Variants in NFU1 observed in about 807,000 individuals in gnomAD.
The protein encoded by NFU1 is NFU1 iron-sulfur cluster scaffold.
NFU1 carries 30 observed loss-of-function variants against 32.2 expected under a neutral mutation model. The observed-to-expected ratio is 0.93, with a 90% CI of 0.70 to 1.26. The LOEUF is 1.26. Among genes scored for constraint, NFU1 ranks in the 50% most tolerant of loss-of-function variants. The pLI, the probability that NFU1 is intolerant of heterozygous loss-of-function variation, is 0.00. For synonymous variants in NFU1, 112 were observed against 104.6 expected (o/e 1.07, Z -0.43); for missense variants, 306 against 306.6 (o/e 1.00, Z 0.02).
upstream of NFU1, among the ~76,000 whole-genome samples, chr2:69,438,560 G>A (rs552691773): frequency 6.6e-6 from 1 of 152,224 alleles, no homozygotes; most frequent in Non-Finnish European, 1.5e-5. Context: ...ACCCTGCCTA[G>A]TAGTGTTTTA....
intron 6 of NFU1, among the ~76,000 whole-genome samples, chr2:69,403,700 A>G (rs1225677500): frequency 6.6e-6 from 1 of 151,670 alleles, no homozygotes; most frequent in Non-Finnish European, 1.5e-5. Flanking sequence ...CTTCTTTCCC[A>G]TATCTTCTAT....
chr2:69,397,232 C>A (rs1465995821), intron 7 of NFU1, among the ~76,000 whole-genome samples: 3 of 151,722 alleles, frequency 2.0e-5, no homozygotes, highest in Non-Finnish European at 4.4e-5. Context: ...AATGAATCCC[C>A]AAGGAAAGTG....
chr2:69,434,405 G>T (rs1436726992), intron 1 of NFU1, among the ~76,000 whole-genome samples: 1 of 152,136 alleles, frequency 6.6e-6, no homozygotes, highest in Non-Finnish European at 1.5e-5. Context: ...GCCTCCCAAA[G>T]TGCTGGGATT....
chr2:69,399,210 CAAAAAAA>C (rs752746093), intron 7 of NFU1: 1 of 199,830 alleles, frequency 5.0e-6, no homozygotes, highest in Non-Finnish European at 9.7e-6. Context: ...ATTCTGTCTC[CAAAAAAA>C]AAAAAAAAAA....
At chr2:69,414,783 G>A (rs1365786049) in intron 5 of NFU1, among the ~76,000 whole-genome samples, 1 of 151,822 alleles carries the variant, frequency 6.6e-6, no homozygotes, top group Non-Finnish European at 1.5e-5. Context: ...TGGTTTTAGC[G>A]GTTTCTTTTT....
intron 2 of NFU1, among the ~76,000 whole-genome samples, chr2:69,425,201 T>C (rs1400951533): frequency 6.6e-6 from 1 of 151,936 alleles, no homozygotes; most frequent in African/African-American, 2.4e-5. Flanking sequence ...AAAAAAAATC[T>C]GTGGAGGTGG....
At chr2:69,398,825 A>G (rs1038835188) in intron 7 of NFU1, among the ~76,000 whole-genome samples, 1 of 152,124 alleles carries the variant, frequency 6.6e-6, no homozygotes, top group African/African-American at 2.4e-5. Flanking sequence ...GACTTTGGGG[A>G]TAGGTCTATA....
chr2:69,397,258 C>CA (rs1308225465), intron 7 of NFU1, among the ~76,000 whole-genome samples: 4 of 151,512 alleles, frequency 2.6e-5, no homozygotes, highest in South Asian at 2.1e-4. Context: ...CAAAACAAAA[C>CA]AAAAAAACCC....
At chr2:69,419,762 C>T (rs533631292) in intron 3 of NFU1, among the ~76,000 whole-genome samples, 158 bp from the exon 4 acceptor site, 6 of 152,292 alleles carry the variant, frequency 3.9e-5, no homozygotes, top group South Asian at 2.1e-4. Context: ...TCCTACTCTA[C>T]GATTTAGCAA....
Position 69,419,583 on chromosome 2 carries a change from T to G in NFU1, c.324A>C (p.Gly108=). Reference sequence around the variant, plus strand: ...CTGGTCCAAAGAAGACACTTTTTACTCCTTCAATCCTAAATAACTGCCTGC... The same window carrying G: ...CTGGTCCAAAGAAGACACTTTTTACGCCTTCAATCCTAAATAACTGCCTGC... The part of the protein sequence containing the change: ...PLARQLFRIE[G]VKSVFFGPDF... Residue 108 remains glycine (G), a synonymous_variant, in exon 4 of 8, where the codon GGA becomes GGC. Coordinates refer to ENST00000410022, the MANE Select transcript of NFU1 (RefSeq NM_001002755.4). 1 of 1,587,664 alleles carries G rather than the reference T, an allele frequency of 6.3e-7. No individual in the cohort carries two copies. The highest frequency in any genetic ancestry group is 1.7e-5 in the Admixed American group (1 of 59,676).
intron 6 of NFU1, among the ~76,000 whole-genome samples, 162 bp downstream of exon 6, chr2:69,405,860 T>C (rs1236362913): frequency 1.3e-5 from 2 of 152,236 alleles, no homozygotes; most frequent in Non-Finnish European, 2.9e-5. Context: ...GTAGAGAAGA[T>C]ACAGGCTTTA....
At chr2:69,437,031 G>C (rs1367847699) in intron 1 of NFU1, among the ~76,000 whole-genome samples, 1 of 152,218 alleles carries the variant, frequency 6.6e-6, no homozygotes, top group Non-Finnish European at 1.5e-5. Context: ...AGAGGGCCTG[G>C]GGGCGGGAGA....
At chr2:69,408,132 ATAGACAATAACTATCATTT>A (rs1261334495) in intron 5 of NFU1, among the ~76,000 whole-genome samples, 1 of 152,182 alleles carries the variant, frequency 6.6e-6, no homozygotes, top group African/African-American at 2.4e-5. Flanking sequence ...CATCCCTTCC[ATAGACAATAACTATCATTT>A]TAGTTTATAT....
intron 3 of NFU1, among the ~76,000 whole-genome samples, chr2:69,421,562 C>CTT (rs763705011): frequency 0.033 from 2,324 of 70,774 alleles, 103 homozygotes; most frequent in East Asian, 0.065. Flanking sequence ...ATCATTTGTG[C>CTT]TTTTTTTTTT....
chr2:69,418,522 A>G (rs1437524048), intron 4 of NFU1, among the ~76,000 whole-genome samples: 4 of 151,976 alleles, frequency 2.6e-5, no homozygotes, highest in African/African-American at 7.3e-5. Flanking sequence ...GCTGGAGTGC[A>G]GTGGCCCGAT....
chr2:69,427,657 G>A (rs1225122733), intron 2 of NFU1, among the ~76,000 whole-genome samples: 6 of 142,396 alleles, frequency 4.2e-5, no homozygotes, highest in Non-Finnish European at 9.0e-5. Flanking sequence ...TCCAGCCTGG[G>A]TGACAGAGTG....
intron 4 of NFU1, among the ~76,000 whole-genome samples, chr2:69,415,523 G>A (rs1452943555): frequency 6.6e-6 from 1 of 152,004 alleles, no homozygotes; most frequent in Non-Finnish European, 1.5e-5. Context: ...GGGACTACAG[G>A]TGTGTGCCTT....
intron 2 of NFU1, among the ~76,000 whole-genome samples, chr2:69,423,945 C>T (rs371281739): frequency 6.6e-5 from 10 of 151,520 alleles, no homozygotes; most frequent in South Asian, 4.2e-4. Context: ...GAGGCCGAGG[C>T]GGGTGGATTA....
chr2:69,417,139 G>A (rs1458243218), intron 4 of NFU1, among the ~76,000 whole-genome samples: 2 of 150,662 alleles, frequency 1.3e-5, no homozygotes, highest in East Asian at 3.9e-4. Context: ...AAAGTTGTCT[G>A]AATGAGAAAA....
Sources: allele counts gnomAD v4.1 joint callset (sites outside exome capture counted in the v4.1 genomes callset), GRCh38; gene constraint gnomAD v4.1.1; transcripts MANE v1.5; gene names NCBI Gene and HGNC (gene_info 2026-07-23, HGNC 2026-07-21).